ZNF90: variants seen among roughly 807,000 people sequenced by gnomAD.
The protein encoded by ZNF90 is zinc finger protein 90.
Under a neutral mutation model 12.0 loss-of-function variants are expected in ZNF90, and 11 were observed. That is an observed-to-expected ratio of 0.92 (90% CI 0.58 to 1.52). The LOEUF is 1.52. Among genes scored for constraint, ZNF90 ranks in the 40% most tolerant of loss-of-function variants. The pLI is 0.00. For synonymous variants in ZNF90, 232 were observed against 240.1 expected, an observed-to-expected ratio of 0.97 and a Z score of 0.31; for missense variants, 765 against 711.5, an observed-to-expected ratio of 1.08 and a Z score of -0.86.
intron 3 of ZNF90, among the ~76,000 whole-genome samples, chr19:20,112,423 G>A (rs1365325045): frequency 6.6e-6 from 1 of 151,992 alleles, no homozygotes; most frequent in Non-Finnish European, 1.5e-5. Flanking sequence ...CTGGGTTCAA[G>A]CAATTCTCTT....
At chr19:20,110,445 A>AT (rs376519711) in intron 3 of ZNF90, among the ~76,000 whole-genome samples, 184 of 151,958 alleles carry the variant, frequency 1.2e-3, no homozygotes, top group African/African-American at 4.0e-3. Flanking sequence ...TGCCTAGCTG[A>AT]TTTTTTGTAT....
Position 20,078,035 on chromosome 19 carries a change from G to T in ZNF90, c.-98G>T. On this transcript the variant is annotated 5_prime_UTR_variant, in exon 1 of 4. Transcript: ENST00000418063. ...TTGCTGCAGCTGGTGCTCCAAATCT[G>T]GTCTTAGCTGCTTCGTGTCTTCTTC... is the stretch of plus-strand genomic sequence containing the variant. The T allele has an allele frequency of 6.6e-7, 1 of 1,513,294 alleles. No individual in the cohort carries two copies. The highest frequency in any genetic ancestry group is 9.2e-7 in the Non-Finnish European group (1 of 1,088,652). The allele number at this position is 1,513,294 out of a possible 1,614,324, so 93.7% of individuals were successfully genotyped here.
Position 20,119,413 on chromosome 19 carries a change from G to GT in ZNF90, c.*54dup. 1 of 1,466,378 alleles carries GT rather than the reference G, an allele frequency of 6.8e-7. No individual in the cohort carries two copies. The highest frequency in any genetic ancestry group is 9.2e-7 in the Non-Finnish European group (1 of 1,091,038). The allele number at this position is 1,466,378 out of a possible 1,614,324, so 90.8% of individuals were successfully genotyped here. A position where few individuals can be genotyped will look rare whatever the true frequency, so the allele number is the denominator to read the frequency against. ...AGATAATTCATACTGGAGAGAAACC[G>GT]TATAAATGTGATGACTGTTGGAAAG... On this transcript the variant is annotated 3_prime_UTR_variant, in exon 4 of 4. Transcript: ENST00000418063.
At chr19:20,103,052 G>A (rs1338831683) in intron 1 of ZNF90, among the ~76,000 whole-genome samples, 1 of 152,192 alleles carries the variant, frequency 6.6e-6, no homozygotes, top group Non-Finnish European at 1.5e-5. Flanking sequence ...GGGTGACAAA[G>A]TCTGATGGAC....
At chr19:20,115,868 TTTTA>T (rs567531062) in intron 3 of ZNF90, among the ~76,000 whole-genome samples, 39 of 152,274 alleles carry the variant, frequency 2.6e-4, no homozygotes, top group Middle Eastern at 3.4e-3. Flanking sequence ...TATTATTATG[TTTTA>T]TTTATTTCTG....
rs144900047 is a variant in ZNF90, at chr19:20,108,909, G to T, written c.226+3593G>T. On this transcript the variant is annotated intron_variant, in intron 3 of 3. Coordinates refer to ENST00000418063, the MANE Select transcript of ZNF90 (RefSeq NM_007138.2). ...CTGGCTAATTTTTGTATTGTTATTA[G>T]CAACGGTGTTTCACCATATTGGCCA... 6.3e-3 allele frequency among the ~76,000 whole-genome samples: 951 copies of T among 151,414 alleles called. 14 individuals are homozygous for T. Among genetic ancestry groups the T allele is most frequent in the African/African-American group, 0.021 (887 of 41,256 alleles).
At chr19:20,093,970 G>A (rs1224937886) in intron 1 of ZNF90, among the ~76,000 whole-genome samples, 2 of 152,228 alleles carry the variant, frequency 1.3e-5, no homozygotes, top group Admixed American at 6.5e-5. Flanking sequence ...TGGCTGCCGG[G>A]TGAGCTGGGC....
intron 3 of ZNF90, among the ~76,000 whole-genome samples, chr19:20,106,050 T>A (rs782340357): frequency 0.026 from 3,573 of 137,714 alleles, 63 homozygotes; most frequent in Non-Finnish European, 0.039. Flanking sequence ...TTTTCTTTTT[T>A]TTTTTTTTTT....
chr19:20,095,009 G>A (rs1412021362), intron 1 of ZNF90, among the ~76,000 whole-genome samples: 1 of 152,118 alleles, frequency 6.6e-6, no homozygotes. Flanking sequence ...TGGAGGAGTG[G>A]AGGCTGAGGA....
At chr19:20,117,263 C>T (rs182276947) in intron 3 of ZNF90, among the ~76,000 whole-genome samples, 36 of 152,228 alleles carry the variant, frequency 2.4e-4, no homozygotes, top group African/African-American at 8.7e-4. Flanking sequence ...AGGCTGGTCT[C>T]AACCTCCTGA....
intron 3 of ZNF90, among the ~76,000 whole-genome samples, chr19:20,113,047 A>C (rs1252732150): frequency 6.6e-6 from 1 of 152,206 alleles, no homozygotes; most frequent in African/African-American, 2.4e-5. Flanking sequence ...TGTGGAGCAA[A>C]ATTAAATATG....
chr19:20,107,174 C>A, intron 3 of ZNF90: 1 of 364,278 alleles, frequency 2.7e-6, no homozygotes, highest in Middle Eastern at 1.0e-3. Flanking sequence ...CTTCAGGGAC[C>A]CCAGTAAAGG....
intron 1 of ZNF90, among the ~76,000 whole-genome samples, chr19:20,081,819 C>T (rs969367112): frequency 6.7e-6 from 1 of 150,206 alleles, no homozygotes; most frequent in African/African-American, 2.5e-5. Context: ...GGCTGGAGTG[C>T]AGTGGCGAGA....
intron 1 of ZNF90, chr19:20,080,356 C>A: frequency 4.3e-6 from 2 of 460,712 alleles, no homozygotes; most frequent in East Asian, 1.2e-4. Context: ...GAAATTCCCC[C>A]GTCCAGCCTC....
At chr19:20,098,545 G>A (rs782112847) in intron 1 of ZNF90, among the ~76,000 whole-genome samples, 20 of 152,112 alleles carry the variant, frequency 1.3e-4, no homozygotes, top group Non-Finnish European at 2.2e-4. Flanking sequence ...TACTGGAGTA[G>A]AGTATTTTTG....
chr19:20,118,647 G>A lies in ZNF90; in HGVS notation c.1093G>A (p.Gly365Arg), dbSNP rs781830822. Residue 365 changes from glycine to arginine, a missense_variant, in exon 4 of 4, where the codon GGA (glycine) becomes AGA (arginine). Transcript: ENST00000418063. ...VLRTHKRIHTGEKPYKCDKCG... is the reference protein window; with the variant it reads ...VLRTHKRIHTREKPYKCDKCG... ...TCGTACACATAAGAGAATTCATACT[G>A]GAGAGAAACCCTACAAGTGTGATAA... 1.1e-5 allele frequency: 18 copies of A among 1,568,458 alleles called. No individual in the cohort carries two copies. The African/African-American group carries it at 2.3e-4, about 20-fold the overall frequency.
intron 1 of ZNF90, among the ~76,000 whole-genome samples, chr19:20,078,632 G>T (rs905857676): frequency 3.5e-5 from 5 of 143,796 alleles, no homozygotes; most frequent in African/African-American, 1.5e-4. Flanking sequence ...CTTCTTCAAA[G>T]ACGCAACTTC....
At chr19:20,088,391 C>A (rs887696594) in intron 1 of ZNF90, among the ~76,000 whole-genome samples, 1 of 151,816 alleles carries the variant, frequency 6.6e-6, no homozygotes, top group Non-Finnish European at 1.5e-5. Context: ...GGCCTGGATA[C>A]GGTTTTGGAT....
chr19:20,110,879 T>G (rs1348292603), intron 3 of ZNF90, among the ~76,000 whole-genome samples: 2 of 152,186 alleles, frequency 1.3e-5, no homozygotes, highest in African/African-American at 4.8e-5. Context: ...TTATTCACCT[T>G]TATTGTTTAG....
Sources: gnomAD v4.1 joint callset for allele counts (sites outside exome capture counted in the v4.1 genomes callset) on GRCh38, gnomAD v4.1.1 for gene constraint, MANE v1.5 for transcripts, NCBI Gene and HGNC (gene_info 2026-07-23, HGNC 2026-07-21) for gene names.